The following ZNF395 variants were observed in gnomAD, a reference collection of about 807,000 sequenced individuals.
The protein encoded by ZNF395 is HD gene regulatory region-binding protein 2.
ZNF395 carries 20 observed loss-of-function variants against 57.7 expected under a neutral mutation model. The ratio of observed to expected loss-of-function variants is 0.35; its 90% CI spans 0.24 to 0.50. ZNF395 has a LOEUF of 0.50. Ranked by LOEUF, ZNF395 falls within the 20% of genes least tolerant of loss-of-function variation. ZNF395 has a pLI of 0.97. For synonymous variants in ZNF395, 295 were observed against 275.9 expected, an observed-to-expected ratio of 1.07 and a Z score of -0.69; for missense variants, 606 against 671.2, an observed-to-expected ratio of 0.90 and a Z score of 1.07.
chr8:28,363,922 C>G (rs1585857920), intron 1 of ZNF395, among the ~76,000 whole-genome samples: 1 of 152,262 alleles, frequency 6.6e-6, no homozygotes, highest in East Asian at 1.9e-4. Context: ...CTGACTGGAG[C>G]CCTCCTGTCC....
At chr8:28,378,460 T>C (rs1249560159) in intron 1 of ZNF395, among the ~76,000 whole-genome samples, 1 of 152,014 alleles carries the variant, frequency 6.6e-6, no homozygotes, top group East Asian at 1.9e-4. Context: ...AAGCCAGTCT[T>C]GAATTCCTGG....
chr8:28,352,776 C>A lies in ZNF395; in HGVS notation c.820-103G>T. On this transcript the variant is annotated intron_variant, in intron 5 of 9. Coordinates refer to ENST00000344423, the MANE Select transcript of ZNF395 (RefSeq NM_018660.3). This position sits in a 1 kb window ranked among gnomAD's most constrained non-coding sequence, Gnocchi z 4.0. The stretch of plus-strand genomic sequence containing the variant: ...AACTGGCTGCTGTCCCCGGCCTGAC[C>A]CAACAAAAACCTCCAGGAAAGGGGT... The A allele has an allele frequency of 1.1e-6, 1 of 922,776 alleles. No homozygotes were observed. The highest frequency in any genetic ancestry group is 2.3e-5 in the Admixed American group (1 of 43,286). The allele number at this position is 922,776 out of a possible 1,614,324, so 57.2% of individuals were successfully genotyped here. A position where few individuals can be genotyped will look rare whatever the true frequency, so the allele number is the denominator to read the frequency against.
chr8:28,370,874 T>A (rs1801968274), intron 1 of ZNF395, among the ~76,000 whole-genome samples: 1 of 152,182 alleles, frequency 6.6e-6, no homozygotes, highest in Admixed American at 6.5e-5. Context: ...AAATCACATC[T>A]AAGTGACAAG....
At chr8:28,367,938 G>C (rs1478059121) in intron 1 of ZNF395, among the ~76,000 whole-genome samples, 1 of 152,204 alleles carries the variant, frequency 6.6e-6, no homozygotes, top group East Asian at 1.9e-4. Flanking sequence ...AAAACAGGTA[G>C]ACAGAAGGAA....
At chr8:28,385,626 C>G (rs1802167674) in intron 1 of ZNF395, among the ~76,000 whole-genome samples, 1 of 149,480 alleles carries the variant, frequency 6.7e-6, no homozygotes, top group African/African-American at 2.4e-5. Context: ...CCGGCAGAAA[C>G]GCGCGGGGCG....
chr8:28,363,454 C>CT (rs1193790551), intron 1 of ZNF395, among the ~76,000 whole-genome samples: 1 of 152,098 alleles, frequency 6.6e-6, no homozygotes, highest in Admixed American at 6.6e-5. Flanking sequence ...TTTTAAAACA[C>CT]TGTCACCTAC....
chr8:28,364,634 A>C (rs1352330511), intron 1 of ZNF395, among the ~76,000 whole-genome samples: 1 of 144,560 alleles, frequency 6.9e-6, no homozygotes, highest in East Asian at 2.2e-4. Context: ...AGCCTGGGGG[A>C]TAGAGTGAGA....
rs1403175996 is a variant in ZNF395 at position 28,353,477 on chromosome 8, C to T, written c.584-69G>A. The T allele has an allele frequency of 3.2e-6, 4 of 1,258,008 alleles. No individual in the cohort carries two copies. In the Admixed American group the frequency reaches 8.6e-5, roughly 27 times the overall value. 77.9% of individuals were successfully genotyped at this position (1,258,008 alleles called of 1,614,324 possible). ...CCCTGGGCAAACTCTCCCTTCTGAG[C>T]TTCGGTAAACATGGAGAGGAGTTCA... On this transcript the variant is annotated intron_variant, in intron 4 of 9. Coordinates refer to ENST00000344423, the MANE Select transcript of ZNF395 (RefSeq NM_018660.3).
chr8:28,373,672 A>G (rs1467112514), intron 1 of ZNF395, among the ~76,000 whole-genome samples: 1 of 152,100 alleles, frequency 6.6e-6, no homozygotes, highest in Non-Finnish European at 1.5e-5. Flanking sequence ...ATACGGGTCA[A>G]AGTCCTCAGG....
chr8:28,353,818 C>T (rs1032886555), intron 4 of ZNF395, among the ~76,000 whole-genome samples: 1 of 152,158 alleles, frequency 6.6e-6, no homozygotes, highest in African/African-American at 2.4e-5. Flanking sequence ...AAGGGCAAAG[C>T]CTCTGCAGCC....
chr8:28,367,990 G>A (rs1362833516), intron 1 of ZNF395, among the ~76,000 whole-genome samples: 1 of 152,208 alleles, frequency 6.6e-6, no homozygotes. Flanking sequence ...TCTGGGTGAG[G>A]GGACGCAGTT....
In ZNF395 at chr8:28,366,358, A is replaced by G. The variant is rs566047016; in HGVS notation, c.-58-5176T>C. On this transcript the variant is annotated intron_variant, in intron 1 of 9. Coordinates refer to ENST00000344423, the MANE Select transcript of ZNF395 (RefSeq NM_018660.3). ...TATCATTCTTTATCTTTTATCAGAA[A>G]AGTGCCAATTTTTCCTTTAAATCTA... is the stretch of plus-strand genomic sequence containing the variant. 1.0e-3 allele frequency among the ~76,000 whole-genome samples: 156 copies of G among 152,298 alleles called. 1 individual carries two copies. The highest frequency in any genetic ancestry group is 1.3e-3 in the Non-Finnish European group (91 of 68,018).
intron 1 of ZNF395, 56 bp from the exon 2 acceptor site, chr8:28,361,238 G>C (rs1450217349): frequency 6.8e-7 from 1 of 1,469,638 alleles, no homozygotes; most frequent in Non-Finnish European, 9.3e-7. Flanking sequence ...AGCCAGGAAG[G>C]GTCTACTAAA....
rs10561721 is a variant in ZNF395 at position 28,381,014 on chromosome 8, A to AGTGTGTGTGTGT, written c.-59+5367_-59+5378dup. On this transcript the variant is annotated intron_variant, in intron 1 of 9. Coordinates refer to ENST00000344423, the MANE Select transcript of ZNF395 (RefSeq NM_018660.3). ...CAGGCATGCACCACCACACCCTGCTAGTGTGTGTGTGTGTGTGTGTGTGTG... is the reference window on the plus strand; with the variant it reads ...CAGGCATGCACCACCACACCCTGCTAGTGTGTGTGTGTGTGTGTGTGTGTGTGTGTGTGTGTG... Among the ~76,000 whole-genome samples the AGTGTGTGTGTGT allele has an allele frequency of 8.1e-3, 1,085 of 134,286 alleles. 11 individuals are homozygous for AGTGTGTGTGTGT. The highest frequency in any genetic ancestry group is 0.011 in the Middle Eastern group (3 of 270). 88.1% of individuals were successfully genotyped at this position (134,286 alleles called of 152,430 possible). A position where few individuals can be genotyped will look rare whatever the true frequency, so the allele number is the denominator to read the frequency against.
chr8:28,367,174 G>A (rs1160373510), intron 1 of ZNF395, among the ~76,000 whole-genome samples: 1 of 152,076 alleles, frequency 6.6e-6, no homozygotes, highest in African/African-American at 2.4e-5. Flanking sequence ...CACTGCATCA[G>A]TGTAGAATAG....
intron 1 of ZNF395, among the ~76,000 whole-genome samples, chr8:28,377,231 A>C (rs902170700): frequency 2.0e-5 from 3 of 152,222 alleles, no homozygotes; most frequent in Non-Finnish European, 2.9e-5. Flanking sequence ...TAAGTAATAC[A>C]TATGCAAAAA....
intron 7 of ZNF395, 142 bp downstream of exon 7, chr8:28,351,353 T>C (rs1283690429): frequency 1.2e-6 from 1 of 859,606 alleles, no homozygotes; most frequent in Non-Finnish European, 1.7e-6. Context: ...TGAATTCGGT[T>C]TCCTTTTGTT....
intron 1 of ZNF395, among the ~76,000 whole-genome samples, chr8:28,381,544 C>T (rs1246199015): frequency 6.6e-6 from 1 of 152,096 alleles, no homozygotes; most frequent in Non-Finnish European, 1.5e-5. Flanking sequence ...ATTTGTCAGT[C>T]TCTCTCACCA....
Position 28,359,441 on chromosome 8 carries a change from A to G in ZNF395, c.473+151T>C. The G allele has an allele frequency of 8.9e-7, 1 of 1,118,660 alleles. No homozygotes were observed. The highest frequency in any genetic ancestry group is 1.2e-6 in the Non-Finnish European group (1 of 819,116). The allele number at this position is 1,118,660 out of a possible 1,614,324, so 69.3% of individuals were successfully genotyped here. On this transcript the variant is annotated intron_variant, in intron 3 of 9. Coordinates refer to ENST00000344423, the MANE Select transcript of ZNF395 (RefSeq NM_018660.3). The surrounding 1 kb of genome is among the most constrained non-coding windows in gnomAD (Gnocchi z 4.7). ...AAGATGCCACTCTGGTTTTCTTAAAAGATTCCCCTTTTCTGTGTCCCATTT... is the reference window on the plus strand; with the variant it reads ...AAGATGCCACTCTGGTTTTCTTAAAGGATTCCCCTTTTCTGTGTCCCATTT...
Sources: gnomAD v4.1 joint callset for allele counts (sites outside exome capture counted in the v4.1 genomes callset) on GRCh38, gnomAD v4.1.1 for gene constraint, Gnocchi (gnomAD v3.1) non-coding constraint, MANE v1.5 for transcripts, NCBI Gene and HGNC (gene_info 2026-07-23, HGNC 2026-07-21) for gene names.